Variants in DNAI7 observed in about 807,000 individuals in gnomAD.
DNAI7 encodes dynein axonemal intermediate chain 7.
DNAI7 carries 78 observed loss-of-function variants against 86.6 expected under a neutral mutation model. The ratio of observed to expected loss-of-function variants is 0.90; its 90% confidence interval spans 0.75 to 1.09. The LOEUF (loss-of-function observed/expected upper bound fraction) is 1.09, where lower values mean the gene tolerates loss of function less well. Among genes scored for constraint, DNAI7 ranks in the 50% least tolerant of loss-of-function variants. The pLI is 0.00. For synonymous variants in DNAI7, 274 were observed against 273.0 expected, an observed-to-expected ratio of 1.00 and a Z score of -0.04; for missense variants, 753 against 810.2, an observed-to-expected ratio of 0.93 and a Z score of 0.86.
At chr12:25,156,254 T>A (rs1429863819) in intron 4 of DNAI7, among the ~76,000 whole-genome samples, 2 of 152,174 alleles carry the variant, frequency 1.3e-5, no homozygotes, top group Admixed American at 1.3e-4. Flanking sequence ...CGAATGACAA[T>A]ACTGTCTTGA....
downstream of DNAI7, among the ~76,000 whole-genome samples, chr12:25,107,611 G>A (rs1441078128): frequency 6.7e-6 from 1 of 148,898 alleles, no homozygotes; most frequent in Admixed American, 6.7e-5. Context: ...GATTCTCATC[G>A]TAGCACATCA....
At position 25,155,415 on chromosome 12, in the gene DNAI7, G is replaced by C; in HGVS notation, c.199-3C>G. 1 of 1,514,390 alleles carries C rather than the reference G, an allele frequency of 6.6e-7. No homozygotes were observed. The highest frequency in any genetic ancestry group is 9.1e-7 in the Non-Finnish European group (1 of 1,096,266). The allele number at this position is 1,514,390 out of a possible 1,614,324, so 93.8% of individuals were successfully genotyped here. On this transcript the variant is annotated splice_region_variant and splice_polypyrimidine_tract_variant and intron_variant, in intron 4 of 15. Transcript: ENST00000395987. ...TCTTCATTTCTCCTTTCTAGATCCT[G>C]TTGCACAAGGACAGATACATTGATC...
In DNAI7 at chr12:25,155,368, TAATA is replaced by T. The variant is rs1946039363; in HGVS notation, c.239_242del (p.Leu80Ter). ...TCTCTGCTTCAGGAAAACACCTCTC[TAATA>T]AATAAAGTTCTTCAAGTTCTTCATT... On this transcript the variant is annotated frameshift_variant, in exon 5 of 16. Coordinates refer to ENST00000395987, the MANE Select transcript of DNAI7 (RefSeq NM_018272.5). LOFTEE classifies it high-confidence loss of function. The T allele has an allele frequency of 6.2e-7, 1 of 1,608,800 alleles. No homozygotes were observed. The highest frequency in any genetic ancestry group is 8.5e-7 in the Non-Finnish European group (1 of 1,176,648).
chr12:25,184,966 TAAA>T (rs35375688), intron 2 of DNAI7, among the ~76,000 whole-genome samples: 1 of 106,506 alleles, frequency 9.4e-6, no homozygotes, highest in Non-Finnish European at 2.0e-5. Flanking sequence ...CCCATCTCTA[TAAA>T]AAAAAAAAAA....
intron 6 of DNAI7, 83 bp downstream of exon 6, chr12:25,154,236 C>T: frequency 8.8e-7 from 1 of 1,137,820 alleles, no homozygotes; most frequent in Non-Finnish European, 1.2e-6. Flanking sequence ...TATTACTTGG[C>T]AAATGATATA....
intron 2 of DNAI7, among the ~76,000 whole-genome samples, chr12:25,162,347 T>C (rs1037936565): frequency 2.6e-5 from 4 of 152,168 alleles, no homozygotes; most frequent in Non-Finnish European, 5.9e-5. Flanking sequence ...ATAATTTACA[T>C]ATAATTAGTA....
At chr12:25,193,185 T>C (rs1291170673) in intron 1 of DNAI7, among the ~76,000 whole-genome samples, 1 of 151,976 alleles carries the variant, frequency 6.6e-6, no homozygotes, top group Non-Finnish European at 1.5e-5. Flanking sequence ...TACGTTGAAA[T>C]TCTGATCCCC....
intron 2 of DNAI7, among the ~76,000 whole-genome samples, chr12:25,162,930 A>G (rs962479816): frequency 1.3e-5 from 2 of 152,206 alleles, no homozygotes; most frequent in African/African-American, 4.8e-5. Context: ...TAGACTCCAG[A>G]TTGTGAATTT....
Position 25,123,302 on chromosome 12 carries a change from GA to G in DNAI7, c.1003-17del, listed in dbSNP as rs1376870246. On this transcript the variant is annotated splice_polypyrimidine_tract_variant and intron_variant, in intron 9 of 15. Coordinates refer to ENST00000395987, the MANE Select transcript of DNAI7 (RefSeq NM_018272.5). ...CAGCAGAACTCTATAAAAAACCACA[GA>G]CATATGGGTGTGATTGTCAGTGTCT... 1 of 1,566,330 alleles carries G rather than the reference GA, an allele frequency of 6.4e-7. No homozygotes were observed. The highest frequency in any genetic ancestry group is 1.8e-5 in the Admixed American group (1 of 56,568).
intron 2 of DNAI7, among the ~76,000 whole-genome samples, chr12:25,171,447 C>G (rs1024840538): frequency 1.3e-5 from 2 of 151,842 alleles, no homozygotes; most frequent in Non-Finnish European, 2.9e-5. Flanking sequence ...CCAAACAGAC[C>G]AATAACAAGC....
chr12:25,135,780 A>G (rs887668825), intron 9 of DNAI7, among the ~76,000 whole-genome samples: 10 of 151,184 alleles, frequency 6.6e-5, no homozygotes, highest in African/African-American at 2.2e-4. Flanking sequence ...AGGCAGCCAT[A>G]ATCCCCCTGG....
intron 9 of DNAI7, among the ~76,000 whole-genome samples, chr12:25,137,217 G>C (rs1943653148): frequency 1.3e-5 from 2 of 151,768 alleles, no homozygotes; most frequent in Non-Finnish European, 1.5e-5. Context: ...GAAGGGATTG[G>C]GGTCCTATCT....
At chr12:25,172,263 A>G (rs1948222144) in intron 2 of DNAI7, among the ~76,000 whole-genome samples, 1 of 152,222 alleles carries the variant, frequency 6.6e-6, no homozygotes, top group South Asian at 2.1e-4. Flanking sequence ...TTCAGGATAC[A>G]AGATTAATGT....
Position 25,144,422 on chromosome 12 carries a change from TAA to T in DNAI7, c.943_944del (p.Leu315AsnfsTer9). On this transcript the variant is annotated frameshift_variant, in exon 9 of 16. Coordinates refer to ENST00000395987, the MANE Select transcript of DNAI7 (RefSeq NM_018272.5). LOFTEE classifies it high-confidence loss of function. Reference protein sequence around the residue: ...ESKQQERGSHLIQEEEIKVEE... With the variant: ...ESKQQERGSHXIQEEEIKVEE... ...CAACTTTTATTTCTTCCTCCTGAAT[TAA>T]GTGAGACCCTCTTTCTTGTTGTTTG... 6.2e-7 allele frequency: 1 copy of T among 1,614,164 alleles called. No homozygotes were observed. Among genetic ancestry groups the T allele is most frequent in the Non-Finnish European group, 8.5e-7 (1 of 1,180,008 alleles).
At chr12:25,147,483 C>CCCCA (rs765651980) in intron 7 of DNAI7, among the ~76,000 whole-genome samples, 6,614 of 150,198 alleles carry the variant, frequency 0.044, 240 homozygotes, top group South Asian at 0.096. Context: ...GAGACCACCC[C>CCCCA]CATCTCTACA....
chr12:25,155,895 A>C (rs1396529168), intron 4 of DNAI7, among the ~76,000 whole-genome samples: 5 of 152,182 alleles, frequency 3.3e-5, no homozygotes, highest in Non-Finnish European at 7.3e-5. Context: ...GGATCACTTG[A>C]GGTCAGGAGT....
chr12:25,128,056 A>G (rs1942386524), intron 9 of DNAI7, among the ~76,000 whole-genome samples: 1 of 152,234 alleles, frequency 6.6e-6, no homozygotes, highest in Non-Finnish European at 1.5e-5. Context: ...AAAAACCATG[A>G]AAGTATTGGA....
At chr12:25,128,135 G>C (rs1942396289) in intron 9 of DNAI7, among the ~76,000 whole-genome samples, 1 of 152,180 alleles carries the variant, frequency 6.6e-6, no homozygotes, top group South Asian at 2.1e-4. Flanking sequence ...TCTGCAAAAT[G>C]TCAGCACTGA....
intron 7 of DNAI7, among the ~76,000 whole-genome samples, chr12:25,148,378 C>T (rs1945122542): frequency 1.3e-5 from 2 of 152,046 alleles, no homozygotes; most frequent in African/African-American, 2.4e-5. Context: ...ATGATATGAA[C>T]TTGATCGCTT....
Sources: allele counts gnomAD v4.1 joint callset (sites outside exome capture counted in the v4.1 genomes callset), GRCh38; gene constraint gnomAD v4.1.1; transcripts MANE v1.5; gene names NCBI Gene and HGNC (gene_info 2026-07-23, HGNC 2026-07-21).